NAV3: variants seen among roughly 807,000 people sequenced by gnomAD.
NAV3 encodes neuron navigator 3, also known as pore membrane and/or filament interacting like protein 1.
In NAV3, 87 loss-of-function variants were observed where a neutral mutation model predicts 244.7. The ratio of observed to expected loss-of-function variants is 0.36; its 90% CI spans 0.30 to 0.42. The LOEUF (loss-of-function observed/expected upper bound fraction) is 0.42. Among genes scored for constraint, NAV3 ranks in the 20% least tolerant of loss-of-function variants. NAV3 has a pLI of 1.00. For missense variants in NAV3, 2,663 were observed against 2,893.3 expected, an observed-to-expected ratio of 0.92 and a Z score of 1.83; for synonymous variants, 1,126 against 1,042.2, an observed-to-expected ratio of 1.08 and a Z score of -1.55.
intron 1 of NAV3, among the ~76,000 whole-genome samples, chr12:77,910,602 A>G (rs1246167357): frequency 2.0e-5 from 3 of 152,144 alleles, no homozygotes; most frequent in South Asian, 2.1e-4. Context: ...AACTTCAGCA[A>G]TTGACTAGTG....
chr12:78,129,390 A>G (rs1437720541), intron 18 of NAV3, among the ~76,000 whole-genome samples: 1 of 152,220 alleles, frequency 6.6e-6, no homozygotes, highest in Admixed American at 6.5e-5. Context: ...TAACACTGTT[A>G]AAGTTAAAAC....
chr12:77,681,497 GT>G (rs1874454655), intron 2 of NAV3, among the ~76,000 whole-genome samples: 1 of 152,104 alleles, frequency 6.6e-6, no homozygotes, highest in African/African-American at 2.4e-5. Context: ...AAAAATGACT[GT>G]TTTCAGATTT....
intron 2 of NAV3, among the ~76,000 whole-genome samples, chr12:77,724,436 A>G (rs1876785564): frequency 6.6e-6 from 1 of 152,100 alleles, no homozygotes; most frequent in Admixed American, 6.6e-5. Context: ...AAAAAAATTA[A>G]AAAACATATT....
intron 34 of NAV3, among the ~76,000 whole-genome samples, chr12:78,194,120 A>G (rs992826730): frequency 2.6e-5 from 4 of 152,026 alleles, no homozygotes; most frequent in Non-Finnish European, 5.9e-5. Context: ...GTTGACTTCA[A>G]TTAAACACTA....
chr12:77,810,088 G>T (rs1872206631), intron 2 of NAV3, among the ~76,000 whole-genome samples: 1 of 152,192 alleles, frequency 6.6e-6, no homozygotes, highest in Non-Finnish European at 1.5e-5. Context: ...TCTATGGGTA[G>T]ATTTCTAATC....
intron 2 of NAV3, among the ~76,000 whole-genome samples, chr12:77,661,669 A>G (rs1873455493): frequency 6.6e-6 from 1 of 152,016 alleles, no homozygotes; most frequent in Admixed American, 6.6e-5. Context: ...GATGTTTATA[A>G]TCTTAGCTTT....
Position 77,752,828 on chromosome 12 carries a change from A to T in NAV3, c.72+180562A>T, listed in dbSNP as rs1014459867. 7.2e-5 allele frequency among the ~76,000 whole-genome samples: 11 copies of T among 152,214 alleles called. 1 individual carries two copies. The South Asian group carries it at 1.0e-3, about 14-fold the overall frequency. On this transcript the variant is annotated intron_variant, in intron 2 of 8. Transcript: ENST00000550042. ...TCTCTCAAAATTGAATGCACAAAAA[A>T]TACAACTACGTGACAATAAAATTGA... is the stretch of plus-strand genomic sequence containing the variant.
At position 78,210,591 on chromosome 12, in the gene NAV3, C is replaced by T. The variant is rs1960805285; in HGVS notation, c.*74C>T. Reference sequence around the variant, plus strand: ...CAAAAGAAAGGTATTTTCACTAAACCACTGCCAGTATAAAAGCACCCTGTC... The same window carrying T: ...CAAAAGAAAGGTATTTTCACTAAACTACTGCCAGTATAAAAGCACCCTGTC... On this transcript the variant is annotated 3_prime_UTR_variant, in exon 40 of 40. Coordinates refer to ENST00000397909, the MANE Select transcript of NAV3 (RefSeq NM_001024383.2). The T allele has an allele frequency of 1.9e-6, 3 of 1,544,040 alleles. No individual in the cohort carries two copies. The East Asian group carries it at 7.1e-5, about 36-fold the overall frequency.
intron 1 of NAV3, among the ~76,000 whole-genome samples, chr12:77,889,302 T>G (rs1393604221): frequency 6.6e-6 from 1 of 152,210 alleles, no homozygotes; most frequent in South Asian, 2.1e-4. Context: ...GACATCAGTC[T>G]TCTGTCCTGG....
chr12:78,188,855 C>A, intron 33 of NAV3, 78 bp downstream of exon 33: 2 of 1,370,262 alleles, frequency 1.5e-6, no homozygotes, highest in Admixed American at 2.3e-5. Flanking sequence ...CCTTTTTGGC[C>A]AGTTTCCCTT....
At position 77,859,699 on chromosome 12, in the gene NAV3, G is replaced by T. The variant is rs149376146; in HGVS notation, c.243+27995G>T. On this transcript the variant is annotated intron_variant, in intron 1 of 39. Coordinates refer to ENST00000397909, the MANE Select transcript of NAV3 (RefSeq NM_001024383.2). ...CTTCTTTGTGAATTATGTAATACATGCATAGGAATGGAATCCTAGCATGAG... is the reference window on the plus strand; with the variant it reads ...CTTCTTTGTGAATTATGTAATACATTCATAGGAATGGAATCCTAGCATGAG... 3.1e-5 allele frequency among the ~76,000 whole-genome samples: 4 copies of T among 128,902 alleles called. No homozygotes were observed. In the East Asian group the frequency reaches 9.6e-4, roughly 31 times the overall value. 84.6% of individuals were successfully genotyped at this position (128,902 alleles called of 152,430 possible). A position where few individuals can be genotyped will look rare whatever the true frequency, so the allele number is the denominator to read the frequency against.
intron 12 of NAV3, among the ~76,000 whole-genome samples, chr12:78,071,827 C>T (rs1383761991): frequency 6.6e-6 from 1 of 152,090 alleles, no homozygotes; most frequent in African/African-American, 2.4e-5. Context: ...GAAATTATAA[C>T]AAACTATCTC....
At chr12:78,065,601 C>A (rs763654722) in intron 12 of NAV3, among the ~76,000 whole-genome samples, 1 of 152,068 alleles carries the variant, frequency 6.6e-6, no homozygotes, top group South Asian at 2.1e-4. Flanking sequence ...CTATACAATT[C>A]CATGGATAAG....
chr12:78,160,851 C>T (rs1248896236), intron 23 of NAV3, among the ~76,000 whole-genome samples: 4 of 151,246 alleles, frequency 2.6e-5, no homozygotes, highest in South Asian at 2.1e-4. Context: ...TCTTTCCTCC[C>T]TCCCTCCCTC....
At chr12:78,173,267 C>T (rs947351999) in intron 24 of NAV3, among the ~76,000 whole-genome samples, 2 of 151,432 alleles carry the variant, frequency 1.3e-5, no homozygotes, top group African/African-American at 4.8e-5. Flanking sequence ...CTTTGCTAAT[C>T]TTTATTGGTG....
chr12:77,826,419 G>A (rs1268889683), upstream of NAV3, among the ~76,000 whole-genome samples: 2 of 151,164 alleles, frequency 1.3e-5, no homozygotes, highest in African/African-American at 4.9e-5. Flanking sequence ...TAGAACCCAG[G>A]AGGCTGAAGT....
chr12:77,899,184 A>C (rs1884974641), intron 1 of NAV3, among the ~76,000 whole-genome samples: 1 of 152,374 alleles, frequency 6.6e-6, no homozygotes, highest in African/African-American at 2.4e-5. Context: ...ACATTGTTGA[A>C]ATGACAAAAA....
At chr12:77,639,703 A>G (rs1226948493) in intron 2 of NAV3, among the ~76,000 whole-genome samples, 2 of 152,184 alleles carry the variant, frequency 1.3e-5, no homozygotes, top group African/African-American at 2.4e-5. Flanking sequence ...AAGAACATAC[A>G]GTCTACTGAG....
intron 2 of NAV3, among the ~76,000 whole-genome samples, chr12:77,755,104 G>A (rs1042143163): frequency 6.6e-6 from 1 of 151,988 alleles, no homozygotes; most frequent in Admixed American, 6.6e-5. Flanking sequence ...CAGCCTACAG[G>A]TGGACATTTT....
Sources: gnomAD v4.1 joint callset for allele counts (sites outside exome capture counted in the v4.1 genomes callset) on GRCh38, gnomAD v4.1.1 for gene constraint, MANE v1.5 for transcripts, NCBI Gene and HGNC (gene_info 2026-07-23, HGNC 2026-07-21) for gene names.